ADI1: variants seen among roughly 807,000 people sequenced by gnomAD.
ADI1 encodes acireductone dioxygenase.
In ADI1, 21 loss-of-function variants were observed where a neutral mutation model predicts 18.7. That is an observed-to-expected ratio of 1.13 (90% CI 0.80 to 1.62). The LOEUF is 1.62. ADI1 is among the 40% of genes most tolerant of loss of function. ADI1 has a pLI of 0.00. For missense variants in ADI1, 245 were observed against 254.9 expected (o/e 0.96, Z 0.26); for synonymous variants, 90 against 100.1 (o/e 0.90, Z 0.60).
chr2:3,518,203 T>C (rs1000412964), intron 1 of ADI1, among the ~76,000 whole-genome samples: 3 of 152,214 alleles, frequency 2.0e-5, no homozygotes, highest in Non-Finnish European at 2.9e-5. Flanking sequence ...GCATGCCCTG[T>C]TTCGCACTGG....
intron 1 of ADI1, among the ~76,000 whole-genome samples, chr2:3,518,734 C>CAAG (rs1667463239): frequency 1.3e-5 from 2 of 152,232 alleles, no homozygotes; most frequent in African/African-American, 4.8e-5. Flanking sequence ...CCCCCTTCCT[C>CAAG]CGATAGAAGA....
intron 1 of ADI1, among the ~76,000 whole-genome samples, chr2:3,514,390 T>C (rs982089466): frequency 6.6e-6 from 1 of 152,196 alleles, no homozygotes; most frequent in Non-Finnish European, 1.5e-5. Context: ...AGCCAAAACA[T>C]TGTATGCTCT....
chr2:3,518,452 T>C (rs963203959), intron 1 of ADI1, among the ~76,000 whole-genome samples: 1 of 152,152 alleles, frequency 6.6e-6, no homozygotes, highest in Admixed American at 6.5e-5. Context: ...GCAAAACCAT[T>C]TGCAAATAAA....
At chr2:3,511,779 C>T (rs1023588130) in intron 2 of ADI1, among the ~76,000 whole-genome samples, 1 of 152,210 alleles carries the variant, frequency 6.6e-6, no homozygotes, top group Admixed American at 6.5e-5. Context: ...GACTGGTTAA[C>T]TCATTGTGAC....
chr2:3,514,461 G>C (rs911624227), intron 1 of ADI1, among the ~76,000 whole-genome samples: 2 of 152,060 alleles, frequency 1.3e-5, no homozygotes, highest in African/African-American at 4.8e-5. Flanking sequence ...CTATCATCTG[G>C]CCCCAGCTGA....
chr2:3,500,001 G>A lies in ADI1; in HGVS notation c.420+813C>T, dbSNP rs1040204341. Among the ~76,000 whole-genome samples, 5 of 151,552 alleles carry A rather than the reference G, an allele frequency of 3.3e-5. No individual in the cohort carries two copies. The East Asian group carries it at 9.7e-4, about 29-fold the overall frequency. The stretch of plus-strand genomic sequence containing the variant: ...AATCGCTTGAGCTTGGGAGGTGGAG[G>A]TTGCATTGAGCCGAGATCAAGCCAC... On this transcript the variant is annotated intron_variant, in intron 3 of 3. Coordinates refer to ENST00000327435, the MANE Select transcript of ADI1 (RefSeq NM_018269.4).
At chr2:3,511,951 TG>T (rs1166707702) in intron 2 of ADI1, among the ~76,000 whole-genome samples, 1 of 152,180 alleles carries the variant, frequency 6.6e-6, no homozygotes, top group African/African-American at 2.4e-5. Flanking sequence ...AGTTTGAACT[TG>T]AGAGTGATGC....
In ADI1 at chr2:3,498,770, G is replaced by A; in HGVS notation, c.*193C>T. 3.6e-6 allele frequency: 3 copies of A among 830,532 alleles called. No individual in the cohort carries two copies. Among genetic ancestry groups the A allele is most frequent in the Non-Finnish European group, 5.3e-6 (3 of 567,466 alleles). The allele number at this position is 830,532 out of a possible 1,614,324, so 51.4% of individuals were successfully genotyped here. ...CTTGATTGAGTTACAGAAAATGAAG[G>A]TGACTCTTTACACTTCCAAGTTGCT... On this transcript the variant is annotated 3_prime_UTR_variant, in exon 4 of 4. Coordinates refer to ENST00000327435, the MANE Select transcript of ADI1 (RefSeq NM_018269.4).
At chr2:3,508,630 AGTGC>A (rs1174977541) in intron 2 of ADI1, among the ~76,000 whole-genome samples, 1 of 152,100 alleles carries the variant, frequency 6.6e-6, no homozygotes, top group Admixed American at 6.5e-5. Flanking sequence ...GGCCAGAGAC[AGTGC>A]CTCATGTCAG....
At chr2:3,517,719 TCATGC>T (rs935190819) in intron 1 of ADI1, 4 of 150,952 alleles carry the variant, frequency 2.6e-5, no homozygotes, top group African/African-American at 9.8e-5. Flanking sequence ...TGAGCCGAGA[TCATGC>T]CACTGCACTC....
Position 3,497,682 on chromosome 2 carries a change from A to G in ADI1, c.*1281T>C, listed in dbSNP as rs1666897436. ...GCCCAGGAACTTACTCTTGCCTGTA[A>G]AAATACAGCTCTGAAGTGAAGAAAT... On this transcript the variant is annotated 3_prime_UTR_variant, in exon 4 of 4. Transcript: ENST00000327435. The G allele has an allele frequency of 2.0e-5, 3 of 152,178 alleles. No individual in the cohort carries two copies. The highest frequency in any genetic ancestry group is 2.0e-4 in the Admixed American group (3 of 15,278). The allele number at this position is 152,178 out of a possible 1,614,324, so 9.4% of individuals were successfully genotyped here. A position where few individuals can be genotyped will look rare whatever the true frequency, so the allele number is the denominator to read the frequency against.
chr2:3,502,025 ACACACACACACACACAC>A (rs1364369224), intron 2 of ADI1, among the ~76,000 whole-genome samples: 3 of 102,348 alleles, frequency 2.9e-5, no homozygotes, highest in African/African-American at 1.7e-4. Context: ...ACACACACAC[ACACACACACACACACAC>A]AGAGACAGGG....
chr2:3,499,141 A>C (rs1666936026), intron 3 of ADI1, 59 bp from the exon 4 acceptor site: 14 of 1,226,382 alleles, frequency 1.1e-5, no homozygotes, highest in Non-Finnish European at 1.6e-5. Flanking sequence ...TCTACTTAGT[A>C]TTTATTAACA....
intron 1 of ADI1, 47 bp downstream of exon 1, chr2:3,519,321 G>A (rs1572242202): frequency 2.2e-6 from 3 of 1,347,322 alleles, no homozygotes; most frequent in Admixed American, 4.0e-5. Flanking sequence ...CGCGGCGTTT[G>A]GGGGTCGGCG....
At chr2:3,502,568 C>T (rs1050832517) in intron 2 of ADI1, among the ~76,000 whole-genome samples, 14 of 151,526 alleles carry the variant, frequency 9.2e-5, no homozygotes, top group African/African-American at 3.4e-4. Flanking sequence ...TTCTCTGCCT[C>T]AGCCTCCCAA....
chr2:3,501,409 C>T (rs1013605460), intron 2 of ADI1, among the ~76,000 whole-genome samples: 2 of 152,228 alleles, frequency 1.3e-5, no homozygotes, highest in African/African-American at 4.8e-5. Context: ...CATGCTCACA[C>T]CCACCCAGTG....
In ADI1 at chr2:3,516,705, G is replaced by A. The variant is rs900813028; in HGVS notation, c.120+2663C>T. The stretch of plus-strand genomic sequence containing the variant: ...CAGTTTAAGCTATTTTTGTCATTTT[G>A]TTATAGCAGCAGGTATTTAGTTTAT... On this transcript the variant is annotated intron_variant, in intron 1 of 3. Coordinates refer to ENST00000327435, the MANE Select transcript of ADI1 (RefSeq NM_018269.4). The A allele has an allele frequency of 1.2e-5, 12 of 981,780 alleles. No individual in the cohort carries two copies. The African/African-American group carries it at 1.2e-4, about 10-fold the overall frequency. The allele number at this position is 981,780 out of a possible 1,614,324, so 60.8% of individuals were successfully genotyped here. A position where few individuals can be genotyped will look rare whatever the true frequency, so the allele number is the denominator to read the frequency against.
At chr2:3,499,277 G>A (rs1356517508) in intron 3 of ADI1, among the ~76,000 whole-genome samples, 195 bp from the exon 4 acceptor site, 1 of 152,242 alleles carries the variant, frequency 6.6e-6, no homozygotes, top group Admixed American at 6.5e-5. Context: ...AGCTGGCCCT[G>A]CCTGTCCTCA....
At chr2:3,499,925 C>A (rs969202953) in intron 3 of ADI1, among the ~76,000 whole-genome samples, 1 of 151,986 alleles carries the variant, frequency 6.6e-6, no homozygotes. Flanking sequence ...ATTAGCCGGG[C>A]GTGGTGGTGT....
Sources: gnomAD v4.1 joint callset for allele counts (sites outside exome capture counted in the v4.1 genomes callset) on GRCh38, gnomAD v4.1.1 for gene constraint, MANE v1.5 for transcripts, NCBI Gene and HGNC (gene_info 2026-07-23, HGNC 2026-07-21) for gene names.